The following ZNF280C variants were observed in gnomAD, a reference collection of about 807,000 sequenced individuals.
ZNF280C encodes zinc finger protein 280C.
Under a neutral mutation model 53.6 loss-of-function variants are expected in ZNF280C, and 14 were observed. The ratio of observed to expected loss-of-function variants is 0.26; its 90% confidence interval spans 0.17 to 0.41. ZNF280C has a LOEUF of 0.41. Among genes scored for constraint, ZNF280C ranks in the 10% least tolerant of loss-of-function variants. ZNF280C has a pLI of 1.00. For missense variants in ZNF280C, 416 were observed against 547.1 expected, an observed-to-expected ratio of 0.76 and a Z score of 2.39; for synonymous variants, 203 against 181.1, an observed-to-expected ratio of 1.12 and a Z score of -0.97.
intron 15 of ZNF280C, among the ~76,000 whole-genome samples, chrX:130,210,775 ATAAG>A (rs1346508723): frequency 8.9e-6 from 1 of 112,595 alleles, no homozygotes; most frequent in African/African-American, 3.2e-5. Flanking sequence ...CTTTAAAATG[ATAAG>A]GAAAGCCTTC....
At chrX:130,263,254 A>G (rs762954794) in intron 1 of ZNF280C, among the ~76,000 whole-genome samples, 32 of 112,724 alleles carry the variant, frequency 2.8e-4, no homozygotes, top group Non-Finnish European at 5.1e-4. Flanking sequence ...ATTTGCACAC[A>G]AATGTTCACA....
intron 12 of ZNF280C, among the ~76,000 whole-genome samples, chrX:130,224,796 G>T (rs1394997920): frequency 3.6e-5 from 4 of 111,380 alleles, no homozygotes; most frequent in Admixed American, 9.6e-5. Context: ...ATTTTCAGAC[G>T]ACTCCTCCCA....
intron 8 of ZNF280C, among the ~76,000 whole-genome samples, chrX:130,231,884 G>A (rs1203802805): frequency 9.2e-6 from 1 of 109,091 alleles, no homozygotes; most frequent in Non-Finnish European, 1.9e-5. Flanking sequence ...AAAATTAGCC[G>A]GGCGTGGTGG....
chrX:130,247,242 G>A (rs1207894689), intron 2 of ZNF280C, among the ~76,000 whole-genome samples: 6 of 111,672 alleles, frequency 5.4e-5, no homozygotes, highest in Non-Finnish European at 1.1e-4. Context: ...CCAAGTAGCT[G>A]GGACTACAGG....
intron 1 of ZNF280C, among the ~76,000 whole-genome samples, chrX:130,265,733 T>C (rs913176762): frequency 8.9e-6 from 1 of 112,239 alleles, no homozygotes; most frequent in Non-Finnish European, 1.9e-5. Flanking sequence ...ACGAAAACAG[T>C]AATACCTTCC....
At chrX:130,215,102 G>T in intron 15 of ZNF280C, 91 bp downstream of exon 15, 1 of 1,020,482 alleles carries the variant, frequency 9.8e-7, no homozygotes, top group Non-Finnish European at 1.4e-6. Context: ...TCCTTGATGA[G>T]ACAAACTTGC....
At position 130,220,464 on chromosome X, in the gene ZNF280C, C is replaced by A; in HGVS notation, c.1412G>T (p.Arg471Leu). The change falls in exon 13 of 19, where the codon CGT becomes CTT. Residue 471 changes from arginine to leucine, a missense_variant. By Grantham distance (102) the Arg-to-Leu change is moderately radical. Coordinates refer to ENST00000370978, the MANE Select transcript of ZNF280C (RefSeq NM_017666.5). ...AAATTGTAGTCTGCATTTTGGGCAA[C>A]GATGAACTCCTTTTTTCTGTTTACA... ...YMKHQKKGVH[R>L]CPKCRLQFLT... 1.7e-6 allele frequency: 2 copies of A among 1,197,428 alleles called. No individual in the cohort carries two copies. Among genetic ancestry groups the A allele is most frequent in the Non-Finnish European group, 2.2e-6 (2 of 889,692 alleles).
At position 130,267,567 on chromosome X, in the gene ZNF280C, G is replaced by A. The variant is rs756880935; in HGVS notation, c.-17+1195C>T. 2.7e-5 allele frequency among the ~76,000 whole-genome samples: 3 copies of A among 111,609 alleles called. No individual in the cohort carries two copies. In the Admixed American group the frequency reaches 2.9e-4, roughly 11 times the overall value. ...CACCCTACAGCCCATCTCAAAAGGG[G>A]TGCTACCAATGAAATATACAAATGC... On this transcript the variant is annotated intron_variant, in intron 1 of 18. Transcript: ENST00000370978.
chrX:130,230,744 A>G lies in ZNF280C; in HGVS notation c.772-17T>C, dbSNP rs754877458. On this transcript the variant is annotated splice_polypyrimidine_tract_variant and intron_variant, in intron 8 of 18. Transcript: ENST00000370978. ...ACAACAATGCTGAAAGAGGAAAAAA[A>G]TATGAGCCTTGTCTACAGCTCTTTT... is the stretch of plus-strand genomic sequence containing the variant. 9.3e-7 allele frequency: 1 copy of G among 1,075,804 alleles called. No individual in the cohort carries two copies. The highest frequency in any genetic ancestry group is 1.3e-6 in the Non-Finnish European group (1 of 779,645). 88.7% of individuals were successfully genotyped at this position (1,075,804 alleles called of 1,213,427 possible).
At chrX:130,206,359 TA>T (rs2031973749) in intron 16 of ZNF280C, among the ~76,000 whole-genome samples, 1 of 106,447 alleles carries the variant, frequency 9.4e-6, no homozygotes, top group African/African-American at 3.4e-5. Flanking sequence ...TTGACTTCTT[TA>T]GTTTTTTTTT....
rs1174743433 is a variant in ZNF280C at position 130,215,220 on chromosome X, T to G, written c.1952A>C (p.Asn651Thr). The G allele has an allele frequency of 8.3e-7, 1 of 1,206,534 alleles. No homozygotes were observed. Among genetic ancestry groups the G allele is most frequent in the Admixed American group, 2.2e-5 (1 of 45,055 alleles). Residue 651 changes from asparagine to threonine, a missense_variant, in exon 15 of 19, where the codon AAC becomes ACC. Coordinates refer to ENST00000370978, the MANE Select transcript of ZNF280C (RefSeq NM_017666.5). Reference sequence around the variant, plus strand: ...CATCATATGATTTACAAAGGCTTTGTTACAGTTAGTATTGTACTTGCAAAA... The same window carrying G: ...CATCATATGATTTACAAAGGCTTTGGTACAGTTAGTATTGTACTTGCAAAA... ...CSFCKYNTNC[N>T]KAFVNHMMSS...
chrX:130,240,689 C>T (rs770195457), intron 5 of ZNF280C, among the ~76,000 whole-genome samples: 4 of 112,174 alleles, frequency 3.6e-5, no homozygotes. Context: ...AAAGCAGACA[C>T]ATTATTCAAC....
intron 2 of ZNF280C, among the ~76,000 whole-genome samples, chrX:130,249,833 G>T (rs2124712334): frequency 9.0e-6 from 1 of 111,701 alleles, no homozygotes; most frequent in East Asian, 2.8e-4. Flanking sequence ...ACAGAAAAAA[G>T]AATTCAGGAT....
chrX:130,238,821 T>C (rs1045774124), intron 6 of ZNF280C, among the ~76,000 whole-genome samples: 6 of 111,782 alleles, frequency 5.4e-5, no homozygotes, highest in Admixed American at 1.9e-4. Context: ...AAAGGTTATA[T>C]ACTAATTTAT....
At chrX:130,233,538 C>G (rs2032299590) in intron 8 of ZNF280C, among the ~76,000 whole-genome samples, 1 of 107,004 alleles carries the variant, frequency 9.3e-6, no homozygotes, top group Non-Finnish European at 1.9e-5. Context: ...ATTGCTTGAA[C>G]CCGGGAGGTG....
chrX:130,211,202 G>T (rs777205338), intron 15 of ZNF280C, among the ~76,000 whole-genome samples: 4 of 112,294 alleles, frequency 3.6e-5, no homozygotes, highest in Non-Finnish European at 7.5e-5. Context: ...TCTCAAAGAG[G>T]TAATAGAGAC....
Position 130,237,210 on chromosome X carries a change from T to C in ZNF280C, c.494-571A>G, listed in dbSNP as rs191301385. On this transcript the variant is annotated intron_variant, in intron 6 of 18. Coordinates refer to ENST00000370978, the MANE Select transcript of ZNF280C (RefSeq NM_017666.5). Reference sequence around the variant, plus strand: ...TAACAGGTGGTTTAAATTATCTTGTTTACTCCCTATATACAAAGTAGAAAC... The same window carrying C: ...TAACAGGTGGTTTAAATTATCTTGTCTACTCCCTATATACAAAGTAGAAAC... 2.5e-4 allele frequency among the ~76,000 whole-genome samples: 28 copies of C among 111,967 alleles called. 1 individual carries two copies. The highest frequency in any genetic ancestry group is 2.5e-3 in the Admixed American group (26 of 10,504).
chrX:130,249,349 A>G (rs1389071868), intron 2 of ZNF280C, among the ~76,000 whole-genome samples: 1 of 112,015 alleles, frequency 8.9e-6, no homozygotes, highest in African/African-American at 3.2e-5. Flanking sequence ...TGCCACTGGC[A>G]TGTGTGAACA....
chrX:130,250,727 C>T (rs935514507), intron 2 of ZNF280C, among the ~76,000 whole-genome samples: 6 of 112,057 alleles, frequency 5.4e-5, no homozygotes, highest in Non-Finnish European at 1.1e-4. Context: ...ACTATTCCTA[C>T]CGAAAGTCCT....
Sources: allele counts gnomAD v4.1 joint callset (sites outside exome capture counted in the v4.1 genomes callset), GRCh38; gene constraint gnomAD v4.1.1; transcripts MANE v1.5; gene names NCBI Gene and HGNC (gene_info 2026-07-23, HGNC 2026-07-21).